Variants in GATAD1 observed in about 807,000 individuals in gnomAD.
GATAD1 encodes GATA zinc finger domain containing 1.
Under a neutral mutation model 26.5 loss-of-function variants are expected in GATAD1, and 12 were observed. The observed-to-expected ratio is 0.45, with a 90% CI of 0.29 to 0.73. The LOEUF (loss-of-function observed/expected upper bound fraction) is 0.73, where lower values mean the gene tolerates loss of function less well. Ranked by LOEUF, GATAD1 falls within the 30% of genes least tolerant of loss-of-function variation. The pLI is 0.10. For missense variants in GATAD1, 266 were observed against 342.1 expected (o/e 0.78, Z 1.75); for synonymous variants, 129 against 133.1 (o/e 0.97, Z 0.21).
the GATAD1 span, among the ~76,000 whole-genome samples, chr7:92,473,720 C>T: frequency 6.6e-6 from 1 of 151,860 alleles, no homozygotes; most frequent in African/African-American, 2.4e-5. Flanking sequence ...TTAGGACCCC[C>T]TCAGATAGTG....
chr7:92,490,343 G>A, the GATAD1 span: 2 of 219,614 alleles, frequency 9.1e-6, no homozygotes, highest in African/African-American at 4.8e-5. Flanking sequence ...TATTTTTAAA[G>A]TCTGAGTTAG....
chr7:92,452,254 T>C (rs574165744), intron 3 of GATAD1, among the ~76,000 whole-genome samples: 8 of 152,298 alleles, frequency 5.3e-5, no homozygotes, highest in African/African-American at 1.9e-4. Context: ...TGTCTGTACT[T>C]TCGTATTGTT....
At chr7:92,481,186 A>C in the GATAD1 span, among the ~76,000 whole-genome samples, 3 of 152,354 alleles carry the variant, frequency 2.0e-5, no homozygotes, top group South Asian at 6.2e-4. Flanking sequence ...CATGAGGAAC[A>C]GAAAAGAAGG....
chr7:92,454,445 A>G (rs1381670653), intron 3 of GATAD1, 57 bp from the exon 4 acceptor site: 7 of 1,324,568 alleles, frequency 5.3e-6, no homozygotes, highest in East Asian at 2.3e-5. Flanking sequence ...AGGTTCATTC[A>G]TAGCTGTGAT....
Position 92,447,669 on chromosome 7 carries a change from C to A in GATAD1, c.-61C>A. ...AGTGGCGGGCCGACCAGGGGGCGGC[C>A]GGGCTACCGTCCGCCATTCCCGTGT... On this transcript the variant is annotated 5_prime_UTR_variant, in exon 1 of 5. Transcript: ENST00000287957. 7.4e-7 allele frequency: 1 copy of A among 1,349,316 alleles called. No individual in the cohort carries two copies. The highest frequency in any genetic ancestry group is 1.7e-5 in the South Asian group (1 of 57,664). The allele number at this position is 1,349,316 out of a possible 1,614,324, so 83.6% of individuals were successfully genotyped here.
chr7:92,456,215 A>T (rs1332990837), intron 4 of GATAD1, among the ~76,000 whole-genome samples, 157 bp from the exon 5 acceptor site: 1 of 152,206 alleles, frequency 6.6e-6, no homozygotes. Flanking sequence ...AAGAAGAAAA[A>T]ATGATTAAGA....
chr7:92,478,664 G>A, the GATAD1 span, among the ~76,000 whole-genome samples: 1 of 152,198 alleles, frequency 6.6e-6, no homozygotes, highest in African/African-American at 2.4e-5. Context: ...GCTAGAAAGA[G>A]TAAAGGTTTT....
chr7:92,467,261 C>T, the GATAD1 span, among the ~76,000 whole-genome samples: 11 of 151,888 alleles, frequency 7.2e-5, no homozygotes, highest in South Asian at 4.2e-4. Flanking sequence ...GAGGTTGAGC[C>T]GAGATTGCAC....
At position 92,456,673 on chromosome 7, in the gene GATAD1, T is replaced by TA. The variant is rs1374433879; in HGVS notation, c.*117dup. On this transcript the variant is annotated 3_prime_UTR_variant, in exon 5 of 5. Coordinates refer to ENST00000287957, the MANE Select transcript of GATAD1 (RefSeq NM_021167.5). ...GGCAATGGAGTCAGATTCTCTTTCT[T>TA]AAAAAACCACAAAAAAACTGGATTT... 10 of 603,142 alleles carry TA rather than the reference T, an allele frequency of 1.7e-5. No individual in the cohort carries two copies. Among genetic ancestry groups the TA allele is most frequent in the Middle Eastern group, 2.8e-4 (1 of 3,582 alleles). 37.4% of individuals were successfully genotyped at this position (603,142 alleles called of 1,614,324 possible). A position where few individuals can be genotyped will look rare whatever the true frequency, so the allele number is the denominator to read the frequency against.
Position 92,454,448 on chromosome 7 carries a change from G to C in GATAD1, c.436-54G>C, listed in dbSNP as rs908476780. 1.0e-5 allele frequency: 14 copies of C among 1,342,008 alleles called. No homozygotes were observed. The Admixed American group carries it at 2.2e-4, about 21-fold the overall frequency. The allele number at this position is 1,342,008 out of a possible 1,614,324, so 83.1% of individuals were successfully genotyped here. A position where few individuals can be genotyped will look rare whatever the true frequency, so the allele number is the denominator to read the frequency against. Reference sequence around the variant, plus strand: ...GCTTACCTATTAAGGTTCATTCATAGCTGTGATGTTCTATTTTTATTTTCA... The same window carrying C: ...GCTTACCTATTAAGGTTCATTCATACCTGTGATGTTCTATTTTTATTTTCA... On this transcript the variant is annotated intron_variant, in intron 3 of 4. Transcript: ENST00000287957.
At chr7:92,463,588 G>A (rs1176422973), downstream of GATAD1, among the ~76,000 whole-genome samples, 11 of 151,838 alleles carry the variant, frequency 7.2e-5, no homozygotes, top group African/African-American at 2.7e-4. Context: ...GGTGTGACCT[G>A]GGAGTCGGAG....
chr7:92,448,700 A>G, intron 1 of GATAD1, 52 bp from the exon 2 acceptor site: 2 of 1,458,914 alleles, frequency 1.4e-6, no homozygotes, highest in Non-Finnish European at 1.9e-6. Flanking sequence ...TGCAACCTTT[A>G]TGCACTTTTT....
At chr7:92,493,284 T>A in the GATAD1 span, 2 of 479,022 alleles carry the variant, frequency 4.2e-6, no homozygotes, top group African/African-American at 4.0e-5. Flanking sequence ...ACTATTTATC[T>A]TCCTTGGAAT....
chr7:92,481,562 G>C, the GATAD1 span, among the ~76,000 whole-genome samples: 2 of 152,270 alleles, frequency 1.3e-5, no homozygotes, highest in East Asian at 3.9e-4. Context: ...TACAGGGCAT[G>C]GTCCCGGTCC....
chr7:92,470,029 C>T, the GATAD1 span: 4 of 778,814 alleles, frequency 5.1e-6, no homozygotes, highest in South Asian at 1.3e-5. Flanking sequence ...TTGAACTCCA[C>T]CCCCATCAGA....
In GATAD1 at chr7:92,447,582, C is replaced by A. The variant is rs1183948157; in HGVS notation, c.-148C>A. Reference sequence around the variant, plus strand: ...TCCCGCCTCCACGGGGCAGCGCCAGCGGCCTGGTCCTTTCACCGGCAGCTC... The same window carrying A: ...TCCCGCCTCCACGGGGCAGCGCCAGAGGCCTGGTCCTTTCACCGGCAGCTC... On this transcript the variant is annotated 5_prime_UTR_variant, in exon 1 of 5. Transcript: ENST00000287957. 6.5e-6 allele frequency: 7 copies of A among 1,076,656 alleles called. No homozygotes were observed. Among genetic ancestry groups the A allele is most frequent in the Non-Finnish European group, 8.4e-6 (7 of 830,800 alleles). 66.7% of individuals were successfully genotyped at this position (1,076,656 alleles called of 1,614,324 possible). A position where few individuals can be genotyped will look rare whatever the true frequency, so the allele number is the denominator to read the frequency against.
At chr7:92,470,220 A>G in the GATAD1 span, 1 of 777,972 alleles carries the variant, frequency 1.3e-6, no homozygotes, top group Non-Finnish European at 2.4e-6. Context: ...CCTTAGAAAG[A>G]CTCCTATACG....
chr7:92,486,253 TA>T, the GATAD1 span, among the ~76,000 whole-genome samples: 26 of 152,222 alleles, frequency 1.7e-4, no homozygotes, highest in African/African-American at 6.3e-4. Context: ...GATCCTCTTC[TA>T]TCACAGAGCA....
chr7:92,485,098 G>C, the GATAD1 span, among the ~76,000 whole-genome samples: 1 of 152,152 alleles, frequency 6.6e-6, no homozygotes, highest in Non-Finnish European at 1.5e-5. Flanking sequence ...ATTTCACAAG[G>C]TTAATCGCTC....
Sources: gnomAD v4.1 joint callset for allele counts (sites outside exome capture counted in the v4.1 genomes callset) on GRCh38, gnomAD v4.1.1 for gene constraint, MANE v1.5 for transcripts, NCBI Gene and HGNC (gene_info 2026-07-23, HGNC 2026-07-21) for gene names.